The following ANGPT2 variants were observed in gnomAD, a reference collection of about 807,000 sequenced individuals.
ANGPT2 encodes angiopoietin 2.
Under a neutral mutation model 62.9 loss-of-function variants are expected in ANGPT2, and 28 were observed. That is an observed-to-expected ratio of 0.44 (90% CI 0.33 to 0.61). The LOEUF is 0.61. Among genes scored for constraint, ANGPT2 ranks in the 20% least tolerant of loss-of-function variants. The pLI is 0.03. For synonymous variants in ANGPT2, 284 were observed against 207.8 expected (o/e 1.37, Z -3.15); for missense variants, 727 against 594.9 (o/e 1.22, Z -2.31).
In ANGPT2 at chr8:6,502,902, T is replaced by G; in HGVS notation, c.*199A>C. 1.7e-6 allele frequency: 1 copy of G among 584,830 alleles called. No individual in the cohort carries two copies. Among genetic ancestry groups the G allele is most frequent in the Non-Finnish European group, 3.0e-6 (1 of 336,024 alleles). The allele number at this position is 584,830 out of a possible 1,614,324, so 36.2% of individuals were successfully genotyped here. On this transcript the variant is annotated 3_prime_UTR_variant, in exon 9 of 9. Transcript: ENST00000629816. ...TAATCACAATTATGGATGTTTAGGG[T>G]CTTGCTTTGGTCCGTTAAGTGATGC...
chr8:6,526,002 G>A (rs1382507554), intron 3 of ANGPT2, among the ~76,000 whole-genome samples: 2 of 152,100 alleles, frequency 1.3e-5, no homozygotes, highest in East Asian at 3.9e-4. Context: ...CTACAAACTG[G>A]ACATATCCTA....
At chr8:6,546,315 G>C (rs1822566856) in intron 1 of ANGPT2, among the ~76,000 whole-genome samples, 1 of 152,222 alleles carries the variant, frequency 6.6e-6, no homozygotes, top group Non-Finnish European at 1.5e-5. Flanking sequence ...ATAGCTCAAA[G>C]CAGTTCACCG....
intron 1 of ANGPT2, among the ~76,000 whole-genome samples, chr8:6,555,480 G>C (rs1411074538): frequency 7.8e-6 from 1 of 127,832 alleles, no homozygotes; most frequent in Non-Finnish European, 1.5e-5. Flanking sequence ...TTTTTTTTTG[G>C]AGACAGGATC....
chr8:6,550,763 T>G (rs537090620), intron 1 of ANGPT2, among the ~76,000 whole-genome samples: 3 of 152,328 alleles, frequency 2.0e-5, no homozygotes, highest in Non-Finnish European at 4.4e-5. Flanking sequence ...CTGATACCTC[T>G]CAGAGCTGGA....
At chr8:6,504,453 T>C (rs966074715) in intron 8 of ANGPT2, among the ~76,000 whole-genome samples, 2 of 152,158 alleles carry the variant, frequency 1.3e-5, no homozygotes, top group African/African-American at 4.8e-5. Flanking sequence ...ATCCACGCTG[T>C]CTACATCCGG....
At chr8:6,526,914 T>G (rs149150316) in intron 3 of ANGPT2, among the ~76,000 whole-genome samples, 129 of 152,300 alleles carry the variant, frequency 8.5e-4, no homozygotes, top group African/African-American at 2.8e-3. Context: ...GAGATTTTTC[T>G]ATATTTTATT....
intron 1 of ANGPT2, among the ~76,000 whole-genome samples, chr8:6,545,623 G>A (rs551371119): frequency 1.6e-4 from 25 of 152,246 alleles, no homozygotes; most frequent in East Asian, 1.5e-3. Flanking sequence ...GATTCTTTCC[G>A]GATCAAGCAT....
intron 3 of ANGPT2, among the ~76,000 whole-genome samples, chr8:6,522,542 G>A (rs965694637): frequency 3.9e-5 from 6 of 152,154 alleles, no homozygotes; most frequent in Admixed American, 2.6e-4. Context: ...GGAAGGCTGA[G>A]GCAGGTGTAT....
At chr8:6,511,048 C>T (rs958055700) in intron 7 of ANGPT2, among the ~76,000 whole-genome samples, 9 of 152,170 alleles carry the variant, frequency 5.9e-5, no homozygotes, top group African/African-American at 2.2e-4. Flanking sequence ...AACCACTTCC[C>T]TTGCTTATCT....
At chr8:6,550,378 C>G (rs998787064) in intron 1 of ANGPT2, among the ~76,000 whole-genome samples, 2 of 152,212 alleles carry the variant, frequency 1.3e-5, no homozygotes, top group African/African-American at 2.4e-5. Flanking sequence ...GACTGTAGGG[C>G]TGCACCCAGA....
rs559580923 is a variant in ANGPT2 at position 6,521,274 on chromosome 8, C to T, written c.703G>A (p.Val235Met). 1 of 1,613,866 alleles carries T rather than the reference C, an allele frequency of 6.2e-7. No individual in the cohort carries two copies. Among genetic ancestry groups the T allele is most frequent in the Non-Finnish European group, 8.5e-7 (1 of 1,179,924 alleles). Residue 235 changes from valine (V) to methionine (M), a missense_variant, in exon 4 of 9, where the codon GTG becomes ATG. By Grantham distance (21) the Val-to-Met change is conservative. Coordinates refer to ENST00000629816, the MANE Select transcript of ANGPT2 (RefSeq NM_001118887.2). Reference protein sequence around the residue: ...SIIEELEKKIVTATVNNSVLQ... With the variant: ...SIIEELEKKIMTATVNNSVLQ... ...ACTGAATTATTCACCGTGGCAGTCA[C>T]TATTTTTTTTTCTAGTTCTTCAATG...
chr8:6,549,101 A>G (rs1007438244), intron 1 of ANGPT2, among the ~76,000 whole-genome samples: 1 of 152,252 alleles, frequency 6.6e-6, no homozygotes, highest in Non-Finnish European at 1.5e-5. Flanking sequence ...CAGTCAAAAC[A>G]GCTTTCAGTC....
rs1300399521 is a variant in ANGPT2, at chr8:6,502,769, TTATTTAC to T, written c.*325_*331del. On this transcript the variant is annotated 3_prime_UTR_variant, in exon 9 of 9. Transcript: ENST00000629816. ...ATAACATAAGTGTTCTGTTTTCCAGTTATTTACTGATAAACTTGCACATAACATTCTT... is the reference window on the plus strand; with the variant it reads ...ATAACATAAGTGTTCTGTTTTCCAGTTGATAAACTTGCACATAACATTCTT... 3 of 316,112 alleles carry T rather than the reference TTATTTAC, an allele frequency of 9.5e-6. No homozygotes were observed. The highest frequency in any genetic ancestry group is 1.8e-5 in the Non-Finnish European group (3 of 168,328). The allele number at this position is 316,112 out of a possible 1,614,324, so 19.6% of individuals were successfully genotyped here.
At chr8:6,505,976 T>TTA (rs66835122) in intron 8 of ANGPT2, among the ~76,000 whole-genome samples, 1 of 590 alleles carries the variant, frequency 1.7e-3, no homozygotes, top group African/African-American at 5.5e-3. Context: ...TACATATTCT[T>TTA]TGTATATATA....
chr8:6,552,323 A>G (rs1229986725), intron 1 of ANGPT2, among the ~76,000 whole-genome samples: 2 of 152,220 alleles, frequency 1.3e-5, no homozygotes, highest in Admixed American at 6.5e-5. Flanking sequence ...ACGCAGTCAC[A>G]GCAGTGTGTT....
chr8:6,512,033 T>A (rs1310470516), intron 7 of ANGPT2, among the ~76,000 whole-genome samples: 1 of 151,872 alleles, frequency 6.6e-6, no homozygotes, highest in Non-Finnish European at 1.5e-5. Flanking sequence ...CTCTTTGGAG[T>A]CAAGTTGGAA....
At chr8:6,512,947 A>G (rs966577549) in intron 7 of ANGPT2, among the ~76,000 whole-genome samples, 1 of 152,206 alleles carries the variant, frequency 6.6e-6, no homozygotes, top group Admixed American at 6.5e-5. Context: ...ATTGAAGACA[A>G]TTGAATGTGT....
chr8:6,513,473 C>T (rs1346669058), intron 7 of ANGPT2, among the ~76,000 whole-genome samples: 1 of 151,960 alleles, frequency 6.6e-6, no homozygotes, highest in Non-Finnish European at 1.5e-5. Flanking sequence ...GCTGGGACTA[C>T]AGGCGCCCAC....
At chr8:6,520,715 A>G (rs909332609) in intron 4 of ANGPT2, among the ~76,000 whole-genome samples, 1 of 152,200 alleles carries the variant, frequency 6.6e-6, no homozygotes, top group African/African-American at 2.4e-5. Context: ...AATATATAAG[A>G]GACGCTGCAA....
Sources: gnomAD v4.1 joint callset for allele counts (sites outside exome capture counted in the v4.1 genomes callset) on GRCh38, gnomAD v4.1.1 for gene constraint, MANE v1.5 for transcripts, NCBI Gene and HGNC (gene_info 2026-07-23, HGNC 2026-07-21) for gene names.